Variants in GRIN2A observed in about 807,000 individuals in gnomAD.
The protein encoded by GRIN2A is glutamate receptor ionotropic, NMDA 2A.
A neutral mutation model predicts 113.4 loss-of-function variants in GRIN2A; 22 were observed. The ratio of observed to expected loss-of-function variants is 0.19; its 90% CI spans 0.14 to 0.28. GRIN2A has a LOEUF of 0.28. Among genes scored for constraint, GRIN2A ranks in the 10% least tolerant of loss-of-function variants. The pLI is 1.00. For missense variants in GRIN2A, 1,502 were observed against 1,887.0 expected, an observed-to-expected ratio of 0.80 and a Z score of 3.78; for synonymous variants, 827 against 738.4, an observed-to-expected ratio of 1.12 and a Z score of -1.94.
At chr16:10,033,226 T>G (rs2046962817) in intron 2 of GRIN2A, among the ~76,000 whole-genome samples, 1 of 152,086 alleles carries the variant, frequency 6.6e-6, no homozygotes, top group Non-Finnish European at 1.5e-5. Flanking sequence ...GGTTACAGAG[T>G]GAGGCTTTGG....
intron 10 of GRIN2A, among the ~76,000 whole-genome samples, chr16:9,818,071 A>G (rs972639192): frequency 2.0e-5 from 3 of 151,984 alleles, no homozygotes; most frequent in African/African-American, 7.2e-5. Flanking sequence ...TCATTGTATT[A>G]TTATTATTCC....
chr16:10,097,087 T>C (rs2048309140), intron 2 of GRIN2A, among the ~76,000 whole-genome samples: 1 of 152,160 alleles, frequency 6.6e-6, no homozygotes, highest in Non-Finnish European at 1.5e-5. Flanking sequence ...AGGGAAAAAG[T>C]CCCAAACACC....
intron 2 of GRIN2A, among the ~76,000 whole-genome samples, chr16:10,157,362 C>T (rs1289440798): frequency 6.6e-6 from 1 of 152,194 alleles, no homozygotes; most frequent in Admixed American, 6.5e-5. Flanking sequence ...GAGGAAGTCT[C>T]ATCTTGGTGC....
intron 2 of GRIN2A, among the ~76,000 whole-genome samples, chr16:10,129,270 GTCTC>G (rs766715370): frequency 3.9e-5 from 6 of 152,064 alleles, no homozygotes; most frequent in Non-Finnish European, 7.4e-5. Context: ...TAGAGACAAA[GTCTC>G]TCTGTGTTGC....
chr16:9,885,433 T>A (rs1211839920), intron 4 of GRIN2A, among the ~76,000 whole-genome samples: 2 of 152,196 alleles, frequency 1.3e-5, no homozygotes, highest in Non-Finnish European at 2.9e-5. Context: ...TCCCGATTTG[T>A]GAGAGAAAGT....
intron 2 of GRIN2A, among the ~76,000 whole-genome samples, chr16:9,982,781 A>C (rs2045915208): frequency 6.6e-6 from 1 of 152,150 alleles, no homozygotes; most frequent in Non-Finnish European, 1.5e-5. Context: ...TGCTCATTGC[A>C]GTGACAAGAC....
intron 2 of GRIN2A, among the ~76,000 whole-genome samples, chr16:10,127,104 C>A (rs1448254): frequency 0.079 from 11,992 of 152,140 alleles, 537 homozygotes; most frequent in Admixed American, 0.11. Flanking sequence ...CTCTCATGAA[C>A]CCCATTTTCT....
chr16:9,920,212 T>A (rs534518227), intron 3 of GRIN2A, among the ~76,000 whole-genome samples: 1 of 152,170 alleles, frequency 6.6e-6, no homozygotes, highest in African/African-American at 2.4e-5. Flanking sequence ...AATGGATACA[T>A]GAAAAGACAA....
intron 3 of GRIN2A, among the ~76,000 whole-genome samples, chr16:9,920,801 C>A (rs1228830219): frequency 6.6e-6 from 1 of 152,100 alleles, no homozygotes; most frequent in African/African-American, 2.4e-5. Context: ...GATCCCCCTG[C>A]CTCGGCCTCC....
chr16:9,764,177 C>T lies in GRIN2A; in HGVS notation c.3367G>A (p.Glu1123Lys), dbSNP rs775679737. 6.2e-6 allele frequency: 10 copies of T among 1,613,558 alleles called. No homozygotes were observed. The South Asian group carries it at 8.8e-5, about 14-fold the overall frequency. The change falls in exon 13 of 13, where the codon GAG (glutamate) becomes AAG (lysine). Residue 1123 changes from glutamate to lysine, a missense_variant. This residue lies in a region of GRIN2A where 832 missense variants were observed against 789.7 expected (regional missense o/e 1.05). Coordinates refer to ENST00000330684, the MANE Select transcript of GRIN2A (RefSeq NM_001134407.3). ...TCTAAGTGGAAACCAGGCTCCTTCTCACCATCTATAGTGTAGATCTTGTCT... is the reference window on the plus strand; with the variant it reads ...TCTAAGTGGAAACCAGGCTCCTTCTTACCATCTATAGTGTAGATCTTGTCT... ...PRDKIYTIDGEKEPGFHLDPP... is the reference protein window; with the variant it reads ...PRDKIYTIDGKKEPGFHLDPP...
chr16:9,959,425 A>G (rs2045384215), intron 2 of GRIN2A, among the ~76,000 whole-genome samples: 1 of 152,136 alleles, frequency 6.6e-6, no homozygotes, highest in Non-Finnish European at 1.5e-5. Flanking sequence ...TGTAGGTTCC[A>G]CCTGATTCTG....
intron 2 of GRIN2A, among the ~76,000 whole-genome samples, chr16:10,029,341 T>G (rs897323481): frequency 6.6e-6 from 1 of 152,108 alleles, no homozygotes; most frequent in Non-Finnish European, 1.5e-5. Context: ...ATTACAGGCA[T>G]GCACCACCCA....
intron 2 of GRIN2A, among the ~76,000 whole-genome samples, chr16:9,970,519 A>G (rs1314469460): frequency 1.3e-5 from 2 of 152,246 alleles, no homozygotes; most frequent in Admixed American, 6.5e-5. Flanking sequence ...TAAGGAAAAG[A>G]GGCCTTGAGG....
At chr16:9,823,698 G>A (rs1187499526) in intron 9 of GRIN2A, among the ~76,000 whole-genome samples, 3 of 152,236 alleles carry the variant, frequency 2.0e-5, no homozygotes, top group Admixed American at 2.0e-4. Flanking sequence ...CTTAGAGGCT[G>A]CTTCTTGCAG....
intron 3 of GRIN2A, among the ~76,000 whole-genome samples, chr16:9,902,977 G>C (rs2043960222): frequency 1.6e-5 from 1 of 62,264 alleles, no homozygotes; most frequent in Non-Finnish European, 3.3e-5. Flanking sequence ...GGGTGGGGGG[G>C]TGGGTGGGGG....
intron 2 of GRIN2A, among the ~76,000 whole-genome samples, chr16:9,986,722 G>A (rs538853091): frequency 3.5e-5 from 5 of 141,802 alleles, no homozygotes; most frequent in East Asian, 4.1e-4. Flanking sequence ...CTGAGATCAC[G>A]CCATTGCACT....
chr16:10,065,832 T>A (rs528487162), intron 2 of GRIN2A, among the ~76,000 whole-genome samples: 7 of 152,220 alleles, frequency 4.6e-5, no homozygotes, highest in Admixed American at 3.9e-4. Context: ...TGTCATGACA[T>A]TGGACAAACA....
chr16:10,107,919 T>C (rs1234923674), intron 2 of GRIN2A, among the ~76,000 whole-genome samples: 8 of 152,188 alleles, frequency 5.3e-5, no homozygotes, highest in African/African-American at 1.7e-4. Flanking sequence ...CAGTGATGCT[T>C]ACCCTCTGGT....
At chr16:10,152,441 G>A (rs1027294089) in intron 2 of GRIN2A, among the ~76,000 whole-genome samples, 3 of 152,246 alleles carry the variant, frequency 2.0e-5, no homozygotes, top group African/African-American at 7.2e-5. Flanking sequence ...TCAACTCCAT[G>A]GATCCCATGT....
Sources: allele counts gnomAD v4.1 joint callset (sites outside exome capture counted in the v4.1 genomes callset), GRCh38; gene constraint gnomAD v4.1.1; regional missense constraint gnomAD v4.1.1; transcripts MANE v1.5; gene names NCBI Gene and HGNC (gene_info 2026-07-23, HGNC 2026-07-21).